Variants in PCDH9 observed in about 807,000 individuals in gnomAD.
PCDH9 encodes protocadherin-9.
PCDH9 carries 24 observed loss-of-function variants against 70.6 expected under a neutral mutation model. The observed-to-expected ratio is 0.34, with a 90% CI of 0.25 to 0.48. The LOEUF is 0.48. PCDH9 is among the 20% of genes least tolerant of loss of function. The probability of loss-of-function intolerance (pLI) is 0.99; values close to 1 mark genes in which losing one functional copy is unlikely to be tolerated. For synonymous variants in PCDH9, 562 were observed against 558.5 expected (o/e 1.01, Z -0.09); for missense variants, 1,281 against 1,503.6 (o/e 0.85, Z 2.45).
chr13:67,149,956 T>G (rs2087616363), intron 2 of PCDH9, among the ~76,000 whole-genome samples: 1 of 152,152 alleles, frequency 6.6e-6, no homozygotes, highest in Admixed American at 6.5e-5. Flanking sequence ...AAGCCAAAAT[T>G]TCAAAAATAA....
intron 4 of PCDH9, among the ~76,000 whole-genome samples, chr13:66,312,123 T>C (rs1321410621): frequency 6.6e-6 from 1 of 152,208 alleles, no homozygotes; most frequent in Admixed American, 6.5e-5. Flanking sequence ...TGAATTGGTA[T>C]GGACTTTAAG....
chr13:66,850,766 T>C (rs1645478422), intron 3 of PCDH9, among the ~76,000 whole-genome samples: 1 of 152,240 alleles, frequency 6.6e-6, no homozygotes, highest in African/African-American at 2.4e-5. Flanking sequence ...GACTGTACAT[T>C]GAGCTGAAGC....
chr13:66,593,591 G>GA (rs2077064309), intron 4 of PCDH9, among the ~76,000 whole-genome samples: 1 of 151,580 alleles, frequency 6.6e-6, no homozygotes, highest in African/African-American at 2.4e-5. Context: ...TCTTATAGGA[G>GA]AAAAATTTTT....
intron 4 of PCDH9, among the ~76,000 whole-genome samples, chr13:66,466,290 T>G (rs1958513254): frequency 6.6e-6 from 1 of 151,692 alleles, no homozygotes; most frequent in Non-Finnish European, 1.5e-5. Flanking sequence ...CTATGAATTC[T>G]AATTCAACAA....
intron 4 of PCDH9, among the ~76,000 whole-genome samples, chr13:66,349,373 C>T (rs190567463): frequency 1.8e-4 from 27 of 152,262 alleles, no homozygotes; most frequent in Admixed American, 1.5e-3. Flanking sequence ...CAAGTTACTG[C>T]TGTAGGATAT....
Position 66,887,789 on chromosome 13 carries a change from C to T in PCDH9, c.3138+15715G>A, listed in dbSNP as rs549351887. ...ACTAATTTAGAAGTTAAAGCATACT[C>T]ATATTGATAAAGCTACTTAAAAAAA... On this transcript the variant is annotated intron_variant, in intron 3 of 4. Transcript: ENST00000377865. Among the ~76,000 whole-genome samples the T allele has an allele frequency of 5.3e-5, 8 of 152,238 alleles. No homozygotes were observed. In the South Asian group the frequency reaches 1.5e-3, roughly 28 times the overall value.
chr13:66,700,577 A>C (rs1027851870), intron 3 of PCDH9, among the ~76,000 whole-genome samples: 1 of 152,150 alleles, frequency 6.6e-6, no homozygotes, highest in Non-Finnish European at 1.5e-5. Context: ...TTCAGGGAAA[A>C]ATAACAGAAG....
At chr13:66,565,350 C>T (rs961008520) in intron 4 of PCDH9, among the ~76,000 whole-genome samples, 1 of 152,112 alleles carries the variant, frequency 6.6e-6, no homozygotes, top group Admixed American at 6.6e-5. Flanking sequence ...AAACATTGTT[C>T]TTCCATTTTC....
intron 2 of PCDH9, among the ~76,000 whole-genome samples, chr13:67,130,145 T>C (rs958124272): frequency 3.3e-5 from 5 of 152,162 alleles, no homozygotes; most frequent in Admixed American, 3.3e-4. Flanking sequence ...CAGACTTAGA[T>C]TTTCATATTA....
intron 2 of PCDH9, among the ~76,000 whole-genome samples, chr13:67,136,820 C>T (rs1479812698): frequency 6.6e-6 from 1 of 151,928 alleles, no homozygotes; most frequent in African/African-American, 2.4e-5. Flanking sequence ...GAATCAATCA[C>T]TTGGACATTA....
At chr13:67,041,925 T>C (rs2085124707) in intron 2 of PCDH9, among the ~76,000 whole-genome samples, 1 of 152,112 alleles carries the variant, frequency 6.6e-6, no homozygotes, top group Non-Finnish European at 1.5e-5. Context: ...ACCATGTAAC[T>C]AGTTCTGGTC....
At position 66,975,234 on chromosome 13, in the gene PCDH9, A is replaced by G. The variant is rs186824659; in HGVS notation, c.3037-71629T>C. 4.7e-3 allele frequency among the ~76,000 whole-genome samples: 709 copies of G among 152,164 alleles called. 9 individuals carry two copies. The highest frequency in any genetic ancestry group is 0.016 in the African/African-American group (677 of 41,562). ...AATGACCTCAAATTAGTGAATTATA[A>G]CAATCAGAATTACTTTTAACGCTAT... On this transcript the variant is annotated intron_variant, in intron 2 of 4. Coordinates refer to ENST00000377865, the MANE Select transcript of PCDH9 (RefSeq NM_203487.3).
chr13:66,611,385 T>C (rs181314733), intron 4 of PCDH9, among the ~76,000 whole-genome samples: 1 of 152,214 alleles, frequency 6.6e-6, no homozygotes, highest in Admixed American at 6.5e-5. Context: ...CAAATAAAGA[T>C]TGGGAGTCTG....
intron 2 of PCDH9, among the ~76,000 whole-genome samples, chr13:67,054,851 G>C (rs1255746190): frequency 6.6e-6 from 1 of 152,090 alleles, no homozygotes; most frequent in African/African-American, 2.4e-5. Flanking sequence ...ATATTATCCA[G>C]CACTCTGACT....
At chr13:67,073,121 G>A (rs2138160649) in intron 2 of PCDH9, among the ~76,000 whole-genome samples, 1 of 152,224 alleles carries the variant, frequency 6.6e-6, no homozygotes, top group East Asian at 1.9e-4. Context: ...AGTTAAAATT[G>A]CAGGTTACGT....
chr13:66,351,121 G>A (rs1365963691), intron 4 of PCDH9, among the ~76,000 whole-genome samples: 2 of 152,014 alleles, frequency 1.3e-5, no homozygotes, highest in Non-Finnish European at 2.9e-5. Context: ...CTTGCTCCGT[G>A]CCAGACACTG....
chr13:66,415,538 T>C (rs1339416753), intron 4 of PCDH9, among the ~76,000 whole-genome samples: 1 of 152,154 alleles, frequency 6.6e-6, no homozygotes, highest in Non-Finnish European at 1.5e-5. Flanking sequence ...ATAACAACGA[T>C]CAGACTGTTT....
intron 3 of PCDH9, among the ~76,000 whole-genome samples, chr13:66,774,582 T>C (rs2079860864): frequency 6.6e-6 from 1 of 152,214 alleles, no homozygotes; most frequent in Non-Finnish European, 1.5e-5. Flanking sequence ...CTACTTTTTC[T>C]ATAAAAGAAA....
chr13:67,028,945 C>T (rs1278664724), intron 2 of PCDH9, among the ~76,000 whole-genome samples: 6 of 152,116 alleles, frequency 3.9e-5, no homozygotes, highest in Admixed American at 6.6e-5. Context: ...GGCAAAATCA[C>T]GTTTTCTGTC....
Sources: gnomAD v4.1 joint callset for allele counts (sites outside exome capture counted in the v4.1 genomes callset) on GRCh38, gnomAD v4.1.1 for gene constraint, MANE v1.5 for transcripts, NCBI Gene and HGNC (gene_info 2026-07-23, HGNC 2026-07-21) for gene names.